Variants in ELMO1 observed in about 807,000 individuals in gnomAD.
ELMO1 encodes engulfment and cell motility protein 1.
Under a neutral mutation model 98.9 loss-of-function variants are expected in ELMO1, and 26 were observed. The observed-to-expected ratio is 0.26, with a 90% CI of 0.19 to 0.36. The LOEUF (loss-of-function observed/expected upper bound fraction) is 0.36. Ranked by LOEUF, ELMO1 falls within the 10% of genes least tolerant of loss-of-function variation. The probability of loss-of-function intolerance (pLI) is 1.00; values close to 1 mark genes in which losing one functional copy is unlikely to be tolerated. For synonymous variants in ELMO1, 346 were observed against 346.0 expected, an observed-to-expected ratio of 1.00 and a Z score of 0.00; for missense variants, 627 against 935.2, an observed-to-expected ratio of 0.67 and a Z score of 4.30.
chr7:37,448,305 C>T (rs1805737613), intron 1 of ELMO1, among the ~76,000 whole-genome samples: 1 of 151,830 alleles, frequency 6.6e-6, no homozygotes, highest in East Asian at 1.9e-4. Flanking sequence ...CCTCCCGCGC[C>T]CCCCCTCCCG....
chr7:37,340,541 G>A (rs1298570875), intron 2 of ELMO1, among the ~76,000 whole-genome samples: 1 of 152,154 alleles, frequency 6.6e-6, no homozygotes, highest in Non-Finnish European at 1.5e-5. Flanking sequence ...GACATTAGTG[G>A]AAAATCCGGT....
intron 15 of ELMO1, among the ~76,000 whole-genome samples, chr7:37,095,836 A>G (rs1013756874): frequency 6.6e-6 from 1 of 152,214 alleles, no homozygotes; most frequent in African/African-American, 2.4e-5. Context: ...TTTCTGGTAT[A>G]AACAGTCTTT....
Position 36,943,642 on chromosome 7 carries a change from C to T in ELMO1, c.1438-48625G>A, listed in dbSNP as rs568409390. On this transcript the variant is annotated intron_variant, in intron 16 of 21. Coordinates refer to ENST00000310758, the MANE Select transcript of ELMO1 (RefSeq NM_014800.11). ...TGAGTAACTGGAATATTTAATGCTTCGAATAAGTGAAGTGTATTATATGCC... is the reference window on the plus strand; with the variant it reads ...TGAGTAACTGGAATATTTAATGCTTTGAATAAGTGAAGTGTATTATATGCC... Among the ~76,000 whole-genome samples the T allele has an allele frequency of 2.8e-4, 43 of 152,330 alleles. No individual in the cohort carries two copies. The South Asian group carries it at 6.8e-3, about 24-fold the overall frequency.
At chr7:37,072,045 A>G (rs1042503313) in intron 15 of ELMO1, among the ~76,000 whole-genome samples, 1 of 152,228 alleles carries the variant, frequency 6.6e-6, no homozygotes, top group Non-Finnish European at 1.5e-5. Flanking sequence ...TTTAAATCTA[A>G]AAGTATTAAC....
At chr7:36,974,349 T>C (rs556419879) in intron 16 of ELMO1, among the ~76,000 whole-genome samples, 4 of 152,250 alleles carry the variant, frequency 2.6e-5, no homozygotes, top group East Asian at 3.9e-4. Context: ...TGGAGAACCT[T>C]TATGTCTAGC....
At position 36,863,280 on chromosome 7, in the gene ELMO1, C is replaced by T. The variant is rs538495582; in HGVS notation, c.1906-1544G>A. ...CTGACTCAGGCCTACCCAGTAAAGACAATAATGTAAAAAGGAAGGGCGCCG... is the reference window on the plus strand; with the variant it reads ...CTGACTCAGGCCTACCCAGTAAAGATAATAATGTAAAAAGGAAGGGCGCCG... On this transcript the variant is annotated intron_variant, in intron 20 of 21. Coordinates refer to ENST00000310758, the MANE Select transcript of ELMO1 (RefSeq NM_014800.11). Among the ~76,000 whole-genome samples, 216 of 152,178 alleles carry T rather than the reference C, an allele frequency of 1.4e-3. 1 individual carries two copies. The highest frequency in any genetic ancestry group is 5.7e-3 in the Admixed American group (87 of 15,298).
chr7:36,961,464 A>T (rs2129120553), intron 16 of ELMO1, among the ~76,000 whole-genome samples: 1 of 152,352 alleles, frequency 6.6e-6, no homozygotes, highest in African/African-American at 2.4e-5. Flanking sequence ...CTCACATTAC[A>T]TGGTATGAAA....
intron 2 of ELMO1, among the ~76,000 whole-genome samples, chr7:37,331,355 T>TTTTTTTTTTTC (rs1479168474): frequency 9.5e-6 from 1 of 105,668 alleles, no homozygotes; most frequent in African/African-American, 3.6e-5. Context: ...TTTTTTTTTT[T>TTTTTTTTTTTC]GGAATTTTAG....
At chr7:36,990,982 T>G (rs1791835949) in intron 16 of ELMO1, among the ~76,000 whole-genome samples, 1 of 152,156 alleles carries the variant, frequency 6.6e-6, no homozygotes, top group Admixed American at 6.5e-5. Context: ...ACCCATTCCT[T>G]TCATTTTCCA....
At chr7:37,054,735 G>A (rs1303034376) in intron 15 of ELMO1, among the ~76,000 whole-genome samples, 1 of 152,034 alleles carries the variant, frequency 6.6e-6, no homozygotes, top group Non-Finnish European at 1.5e-5. Flanking sequence ...CAAAAAAGCT[G>A]GCAGCCATTT....
intron 16 of ELMO1, among the ~76,000 whole-genome samples, chr7:36,896,438 G>C (rs6966276): frequency 0.46 from 69,906 of 152,026 alleles, 16,740 homozygotes; most frequent in East Asian, 0.64. Context: ...TAGAAGTGCA[G>C]AAATGATAGA....
intron 17 of ELMO1, among the ~76,000 whole-genome samples, chr7:36,892,424 T>A (rs1805637011): frequency 6.6e-6 from 1 of 151,288 alleles, no homozygotes; most frequent in Non-Finnish European, 1.5e-5. Context: ...ATGAGCCCAG[T>A]CTATGGTAAA....
Position 37,286,280 on chromosome 7 carries a change from T to A in ELMO1, c.193-14398A>T, listed in dbSNP as rs145069489. 1.8e-3 allele frequency among the ~76,000 whole-genome samples: 281 copies of A among 152,280 alleles called. 1 individual carries two copies. The highest frequency in any genetic ancestry group is 7.5e-3 in the Admixed American group (115 of 15,304). On this transcript the variant is annotated intron_variant, in intron 4 of 21. Transcript: ENST00000310758. ...AAGCTTGAGGCAGCAGGGTGTCACATGACATCCTGAACATAACCTGCTGTG... is the reference window on the plus strand; with the variant it reads ...AAGCTTGAGGCAGCAGGGTGTCACAAGACATCCTGAACATAACCTGCTGTG...
At chr7:36,950,836 T>C (rs1250294597) in intron 16 of ELMO1, among the ~76,000 whole-genome samples, 1 of 152,122 alleles carries the variant, frequency 6.6e-6, no homozygotes, top group African/African-American at 2.4e-5. Context: ...TGAAGCTGTT[T>C]ACAGTGGGAT....
At chr7:36,985,202 C>T in intron 16 of ELMO1, 1 of 793,312 alleles carries the variant, frequency 1.3e-6, no homozygotes, top group African/African-American at 1.9e-5. Flanking sequence ...AGAGCCAATC[C>T]TTGAATATAA....
intron 1 of ELMO1, chr7:37,375,986 G>A (rs1802324363): frequency 2.0e-5 from 11 of 560,792 alleles, no homozygotes; most frequent in Non-Finnish European, 2.9e-5. Context: ...CAGTTTAGAG[G>A]AGGATTTGGT....
chr7:36,855,786 G>A lies in ELMO1; in HGVS notation c.1984-35C>T. ...AGGGAGGCAACAGCGATCATTACTG[G>A]TGGCAATTACAGAAGTATTAATAGT... On this transcript the variant is annotated intron_variant, in intron 21 of 21. Coordinates refer to ENST00000310758, the MANE Select transcript of ELMO1 (RefSeq NM_014800.11). This position sits in a 1 kb window ranked among gnomAD's most constrained non-coding sequence, Gnocchi z 4.2. The A allele has an allele frequency of 6.2e-7, 1 of 1,611,440 alleles. No individual in the cohort carries two copies. The highest frequency in any genetic ancestry group is 8.5e-7 in the Non-Finnish European group (1 of 1,177,878).
chr7:36,965,380 CT>C (rs1408694162), intron 16 of ELMO1, among the ~76,000 whole-genome samples: 1 of 152,180 alleles, frequency 6.6e-6, no homozygotes, highest in Non-Finnish European at 1.5e-5. Context: ...ATTAAAGGCA[CT>C]TTTCCCCTAG....
chr7:37,376,542 A>G (rs530415069), intron 1 of ELMO1, among the ~76,000 whole-genome samples: 1 of 152,330 alleles, frequency 6.6e-6, no homozygotes, highest in East Asian at 1.9e-4. Flanking sequence ...CACCTCAGGG[A>G]CCTGACTCAT....
Sources: gnomAD v4.1 joint callset for allele counts (sites outside exome capture counted in the v4.1 genomes callset) on GRCh38, gnomAD v4.1.1 for gene constraint, Gnocchi (gnomAD v3.1) non-coding constraint, MANE v1.5 for transcripts, NCBI Gene and HGNC (gene_info 2026-07-23, HGNC 2026-07-21) for gene names.